The following NF1 variants were observed in gnomAD, a reference collection of about 807,000 sequenced individuals.
NF1 encodes the protein neurofibromin 1.
Under a neutral mutation model 325.7 loss-of-function variants are expected in NF1, and 122 were observed. That is an observed-to-expected ratio of 0.37 (90% CI 0.32 to 0.44). The LOEUF (loss-of-function observed/expected upper bound fraction) is 0.44, where lower values mean the gene tolerates loss of function less well. Among genes scored for constraint, NF1 ranks in the 20% least tolerant of loss-of-function variants. The pLI, the probability that NF1 is intolerant of heterozygous loss-of-function variation, is 1.00. For missense variants in NF1, 2,140 were observed against 3,415.4 expected (o/e 0.63, Z 9.31); for synonymous variants, 1,091 against 1,186.0 (o/e 0.92, Z 1.65).
At chr17:31,193,215 A>G (rs2066377851) in intron 8 of NF1, among the ~76,000 whole-genome samples, 1 of 152,198 alleles carries the variant, frequency 6.6e-6, no homozygotes, top group African/African-American at 2.4e-5. Context: ...TTAGTTTCTC[A>G]CTAAAAACAG....
chr17:31,136,607 G>A (rs1915804325), intron 1 of NF1: 1 of 152,130 alleles, frequency 6.6e-6, no homozygotes, highest in Non-Finnish European at 1.5e-5. Flanking sequence ...GTACCTGCCT[G>A]TTAGTCACTT....
intron 1 of NF1, among the ~76,000 whole-genome samples, chr17:31,108,006 G>A (rs1208729225): frequency 1.3e-5 from 2 of 151,648 alleles, no homozygotes; most frequent in Non-Finnish European, 2.9e-5. Flanking sequence ...GGTGGTGCAT[G>A]CCTGTAGTCC....
chr17:31,364,169 C>T (rs577319209), intron 57 of NF1, among the ~76,000 whole-genome samples: 14 of 152,324 alleles, frequency 9.2e-5, no homozygotes, highest in Middle Eastern at 3.4e-3. Context: ...ATTTCCTTAT[C>T]TCCATTCCCA....
At chr17:31,106,913 A>G (rs997235689) in intron 1 of NF1, among the ~76,000 whole-genome samples, 1 of 152,190 alleles carries the variant, frequency 6.6e-6, no homozygotes, top group African/African-American at 2.4e-5. Context: ...TTGGCATTGC[A>G]CAGTCTATTT....
In NF1 at chr17:31,123,138, TG is replaced by T. The variant is rs573784889; in HGVS notation, c.60+27772del. 3.4e-3 allele frequency among the ~76,000 whole-genome samples: 513 copies of T among 152,324 alleles called. 5 individuals carry two copies. Among genetic ancestry groups the T allele is most frequent in the African/African-American group, 0.012 (495 of 41,566 alleles). On this transcript the variant is annotated intron_variant, in intron 1 of 57. Transcript: ENST00000358273. ...TCCCATGAAGGAGATGAAGCCTACA[TG>T]GGAATCTTCACTGATTGTGCTGACT...
In NF1 at chr17:31,336,611, A is replaced by AC. The variant is rs1396616957; in HGVS notation, c.6148-24_6148-23insC. ...TGAGTCCCATGTTTTTTTTTTTAAAAAAAAAAATCCTGCTTCTTTACAGGT... is the reference window on the plus strand; with the variant it reads ...TGAGTCCCATGTTTTTTTTTTTAAAACAAAAAAATCCTGCTTCTTTACAGGT... On this transcript the variant is annotated intron_variant, in intron 41 of 57. Transcript: ENST00000358273. This position sits in a 1 kb window ranked among gnomAD's most constrained non-coding sequence, Gnocchi z 5.5. The AC allele has an allele frequency of 6.4e-7, 1 of 1,569,810 alleles. No homozygotes were observed. The highest frequency in any genetic ancestry group is 2.3e-5 in the East Asian group (1 of 43,686).
chr17:31,125,737 T>C (rs1188610919), intron 1 of NF1, among the ~76,000 whole-genome samples: 1 of 152,044 alleles, frequency 6.6e-6, no homozygotes, highest in Non-Finnish European at 1.5e-5. Context: ...GGTTTCGCCA[T>C]GTTAGCCAGG....
chr17:31,339,776 C>T (rs957312974), intron 46 of NF1, among the ~76,000 whole-genome samples: 2 of 152,068 alleles, frequency 1.3e-5, no homozygotes, highest in Non-Finnish European at 2.9e-5. Context: ...ACTTTTAATT[C>T]AGAGCAGCAA....
chr17:31,249,810 A>C (rs369835384), intron 30 of NF1: 3 of 362,104 alleles, frequency 8.3e-6, no homozygotes, highest in African/African-American at 6.5e-5. Flanking sequence ...ATTTATTCCA[A>C]GGGAGGTCCT....
chr17:31,245,047 C>T (rs1017515140), intron 29 of NF1, among the ~76,000 whole-genome samples: 1 of 151,944 alleles, frequency 6.6e-6, no homozygotes, highest in African/African-American at 2.4e-5. Context: ...AGCAAGAGAG[C>T]ACTGTGGCTA....
chr17:31,110,741 G>A (rs1450509312), intron 1 of NF1, among the ~76,000 whole-genome samples: 1 of 152,040 alleles, frequency 6.6e-6, no homozygotes, highest in Non-Finnish European at 1.5e-5. Flanking sequence ...AATTTTCATA[G>A]AGAATTGGAA....
At chr17:31,317,087 G>A (rs1297977854) in intron 36 of NF1, among the ~76,000 whole-genome samples, 2 of 152,054 alleles carry the variant, frequency 1.3e-5, no homozygotes, top group African/African-American at 4.8e-5. Context: ...GAGTAAGATT[G>A]TAGTCATACT....
chr17:31,299,919 C>T (rs1459264021), intron 36 of NF1, among the ~76,000 whole-genome samples: 1 of 151,912 alleles, frequency 6.6e-6, no homozygotes, highest in Non-Finnish European at 1.5e-5. Context: ...TCTTCTGTCC[C>T]CCATATTTTC....
At chr17:31,286,039 A>G (rs1003952347) in intron 36 of NF1, among the ~76,000 whole-genome samples, 6 of 152,258 alleles carry the variant, frequency 3.9e-5, no homozygotes, top group African/African-American at 1.4e-4. Flanking sequence ...ATATACGAAT[A>G]TTTTTTACTA....
rs562926445 is a variant in NF1 at position 31,102,367 on chromosome 17, T to G, written c.60+6998T>G. ...TATAGCTTATTATTATTATTATTTT[T>G]TGTGTGTGTGACAGAGTCTTGCTCT... On this transcript the variant is annotated intron_variant, in intron 1 of 57. Transcript: ENST00000358273. 8.5e-5 allele frequency among the ~76,000 whole-genome samples: 13 copies of G among 152,266 alleles called. 1 individual carries two copies. Among genetic ancestry groups the G allele is most frequent in the African/African-American group, 2.4e-4 (10 of 41,550 alleles).
At chr17:31,110,799 G>T (rs1211218979) in intron 1 of NF1, among the ~76,000 whole-genome samples, 1 of 151,972 alleles carries the variant, frequency 6.6e-6, no homozygotes, top group Non-Finnish European at 1.5e-5. Context: ...AAAACACAAC[G>T]TTGGTTGCTT....
chr17:31,298,568 A>C (rs2068512149), intron 36 of NF1, among the ~76,000 whole-genome samples: 1 of 152,092 alleles, frequency 6.6e-6, no homozygotes, highest in Non-Finnish European at 1.5e-5. Context: ...CTTTTGTATA[A>C]AACTAATGTT....
intron 4 of NF1, among the ~76,000 whole-genome samples, chr17:31,167,863 A>G (rs2065870637): frequency 6.6e-6 from 1 of 152,204 alleles, no homozygotes; most frequent in Non-Finnish European, 1.5e-5. Flanking sequence ...TGGGGTTTAA[A>G]CAGATATTCC....
intron 1 of NF1, among the ~76,000 whole-genome samples, chr17:31,114,553 A>C (rs1011665346): frequency 6.6e-6 from 1 of 150,838 alleles, no homozygotes; most frequent in African/African-American, 2.4e-5. Context: ...AGAATAAAAA[A>C]AAAAAAGAAA....
Sources: gnomAD v4.1 joint callset for allele counts (sites outside exome capture counted in the v4.1 genomes callset) on GRCh38, gnomAD v4.1.1 for gene constraint, Gnocchi (gnomAD v3.1) non-coding constraint, MANE v1.5 for transcripts, NCBI Gene and HGNC (gene_info 2026-07-23, HGNC 2026-07-21) for gene names.